Variants in NAA35 observed in about 807,000 individuals in gnomAD.
NAA35 encodes N-alpha-acetyltransferase 35, NatC auxiliary subunit.
A neutral mutation model predicts 101.7 loss-of-function variants in NAA35; 18 were observed. The observed-to-expected ratio is 0.18, with a 90% CI of 0.12 to 0.26. The LOEUF is 0.26. NAA35 is among the 10% of genes least tolerant of loss of function. NAA35 has a pLI of 1.00. For synonymous variants in NAA35, 267 were observed against 273.1 expected, an observed-to-expected ratio of 0.98 and a Z score of 0.22; for missense variants, 601 against 886.8, an observed-to-expected ratio of 0.68 and a Z score of 4.09.
chr9:85,954,919 TTTG>T (rs989213454), intron 2 of NAA35, among the ~76,000 whole-genome samples: 2 of 152,136 alleles, frequency 1.3e-5, no homozygotes, highest in African/African-American at 4.8e-5. Flanking sequence ...GTTGTTTTGT[TTTG>T]TTTTGTTTTG....
chr9:85,941,458 C>T (rs891986063), intron 1 of NAA35, 185 bp downstream of exon 1: 6 of 985,352 alleles, frequency 6.1e-6, no homozygotes, highest in Middle Eastern at 1.0e-3. Context: ...CCCACTCTTG[C>T]CCGGTGTTGC....
chr9:86,021,784 T>C, intron 22 of NAA35, 117 bp from the exon 23 acceptor site: 1 of 825,790 alleles, frequency 1.2e-6, no homozygotes, highest in Non-Finnish European at 1.9e-6. Flanking sequence ...TTAAAATCTA[T>C]TTTGTGCTGC....
In NAA35 at chr9:85,955,347, TATATATA is replaced by T. The variant is rs1308201841; in HGVS notation, c.125-1012_125-1006del. On this transcript the variant is annotated intron_variant, in intron 2 of 22. Coordinates refer to ENST00000361671, the MANE Select transcript of NAA35 (RefSeq NM_024635.4). ...ATATACATATATATATATATATATA[TATATATA>T]TATATATTTTTTTTTTTTTTTTTCT... is the stretch of plus-strand genomic sequence containing the variant. Among the ~76,000 whole-genome samples the T allele has an allele frequency of 2.6e-3, 199 of 77,508 alleles. 1 individual carries two copies. The highest frequency in any genetic ancestry group is 9.7e-3 in the African/African-American group (165 of 16,978). 50.8% of individuals were successfully genotyped at this position (77,508 alleles called of 152,430 possible). A position where few individuals can be genotyped will look rare whatever the true frequency, so the allele number is the denominator to read the frequency against.
rs148187406 is a variant in NAA35, at chr9:85,972,332, C to T, written c.517-2635C>T. 5.2e-3 allele frequency among the ~76,000 whole-genome samples: 787 copies of T among 151,734 alleles called. 4 individuals carry two copies. The highest frequency in any genetic ancestry group is 0.018 in the African/African-American group (751 of 41,354). On this transcript the variant is annotated intron_variant, in intron 6 of 22. Coordinates refer to ENST00000361671, the MANE Select transcript of NAA35 (RefSeq NM_024635.4). ...ACCAGCCTGGACAACATGGCGAGAT[C>T]TCATCTCTACTAAAAATACAAAAAA... is the stretch of plus-strand genomic sequence containing the variant.
At chr9:85,975,554 G>A (rs1830177793) in intron 8 of NAA35, among the ~76,000 whole-genome samples, 3 of 152,050 alleles carry the variant, frequency 2.0e-5, no homozygotes, top group Admixed American at 1.3e-4. Flanking sequence ...TATTTAATAT[G>A]TAAATGCTAT....
intron 4 of NAA35, among the ~76,000 whole-genome samples, chr9:85,959,027 T>TA (rs1353892733): frequency 2.0e-5 from 3 of 152,196 alleles, no homozygotes; most frequent in Non-Finnish European, 2.9e-5. Context: ...ATGGATATCG[T>TA]AAACAAAATT....
intron 13 of NAA35, 149 bp from the exon 14 acceptor site, chr9:86,007,209 T>C (rs1564321923): frequency 6.3e-6 from 3 of 476,056 alleles, no homozygotes; most frequent in East Asian, 6.6e-5. Flanking sequence ...GTAACACTCA[T>C]TGTGGAGACA....
intron 13 of NAA35, among the ~76,000 whole-genome samples, chr9:86,005,716 A>G (rs1247347283): frequency 7.2e-6 from 1 of 139,712 alleles, no homozygotes; most frequent in African/African-American, 2.9e-5. Context: ...TTTAAAAACC[A>G]AACTATTTAC....
At chr9:85,962,728 AATATCCGT>A (rs1488338129) in intron 6 of NAA35, among the ~76,000 whole-genome samples, 3 of 152,192 alleles carry the variant, frequency 2.0e-5, no homozygotes, top group Non-Finnish European at 4.4e-5. Flanking sequence ...CCATTCATTG[AATATCCGT>A]ATGTGCAGAG....
intron 12 of NAA35, among the ~76,000 whole-genome samples, chr9:85,998,488 T>C (rs1332582927): frequency 3.3e-5 from 5 of 152,224 alleles, no homozygotes; most frequent in African/African-American, 1.2e-4. Context: ...TATTGTATGC[T>C]TCCTTTCCCC....
intron 11 of NAA35, 104 bp from the exon 12 acceptor site, chr9:85,996,291 ATTTG>A (rs1003419489): frequency 1.8e-4 from 124 of 679,962 alleles, no homozygotes; most frequent in Middle Eastern, 4.3e-4. Context: ...TGTGGTTAGA[ATTTG>A]TTTGGAAAAG....
At chr9:86,020,206 T>G (rs1478096953) in intron 21 of NAA35, among the ~76,000 whole-genome samples, 4 of 152,108 alleles carry the variant, frequency 2.6e-5, no homozygotes, top group South Asian at 2.1e-4. Context: ...GGAAGAGAGA[T>G]AGGAGAGACA....
At chr9:85,989,748 G>A (rs367852841) in intron 11 of NAA35, among the ~76,000 whole-genome samples, 2 of 152,120 alleles carry the variant, frequency 1.3e-5, no homozygotes, top group Admixed American at 6.5e-5. Context: ...TGGTTAAAAC[G>A]GTGGAAATTG....
intron 15 of NAA35, among the ~76,000 whole-genome samples, chr9:86,012,827 C>G (rs1040068910): frequency 6.6e-6 from 1 of 152,158 alleles, no homozygotes; most frequent in Non-Finnish European, 1.5e-5. Context: ...CATATGAAAG[C>G]AAGTTTCACA....
At chr9:85,962,720 A>G (rs946463349) in intron 6 of NAA35, among the ~76,000 whole-genome samples, 2 of 152,128 alleles carry the variant, frequency 1.3e-5, no homozygotes, top group Admixed American at 6.5e-5. Flanking sequence ...CTGTAGTACC[A>G]TTCATTGAAT....
rs377705546 is a variant in NAA35, at chr9:85,959,293, G to A, written c.274-500G>A. Among the ~76,000 whole-genome samples the A allele has an allele frequency of 1.3e-3, 193 of 151,198 alleles. 4 individuals carry two copies. The South Asian group carries it at 0.033, about 26-fold the overall frequency. ...CCGGAGGCTGAGGCAGGAGAATGGCGTGGACCCGGGAGGCGGAGCTTGCAT... is the reference window on the plus strand; with the variant it reads ...CCGGAGGCTGAGGCAGGAGAATGGCATGGACCCGGGAGGCGGAGCTTGCAT... On this transcript the variant is annotated intron_variant, in intron 4 of 22. Transcript: ENST00000361671.
chr9:85,993,592 G>A (rs1831024200), intron 11 of NAA35, among the ~76,000 whole-genome samples: 1 of 152,152 alleles, frequency 6.6e-6, no homozygotes, highest in South Asian at 2.1e-4. Flanking sequence ...GTTGATTGTG[G>A]TAGTTACATG....
At chr9:85,988,782 G>A (rs1335586676) in intron 11 of NAA35, among the ~76,000 whole-genome samples, 1 of 150,690 alleles carries the variant, frequency 6.6e-6, no homozygotes, top group East Asian at 2.0e-4. Context: ...GGCAACAAGA[G>A]TGAAACTCCG....
chr9:85,951,624 A>T (rs1408323234), intron 2 of NAA35, among the ~76,000 whole-genome samples: 1 of 152,186 alleles, frequency 6.6e-6, no homozygotes, highest in African/African-American at 2.4e-5. Context: ...TTGTTTTCCA[A>T]ATATTGAATG....
Sources: gnomAD v4.1 joint callset for allele counts (sites outside exome capture counted in the v4.1 genomes callset) on GRCh38, gnomAD v4.1.1 for gene constraint, MANE v1.5 for transcripts, NCBI Gene and HGNC (gene_info 2026-07-23, HGNC 2026-07-21) for gene names.